The following PDIA6 variants were observed in gnomAD, a reference collection of about 807,000 sequenced individuals.
The protein encoded by PDIA6 is protein disulfide-isomerase A6.
In PDIA6, 29 loss-of-function variants were observed where a neutral mutation model predicts 58.4. That is an observed-to-expected ratio of 0.50 (90% confidence interval 0.37 to 0.68). The LOEUF is 0.68. Among genes scored for constraint, PDIA6 ranks in the 30% least tolerant of loss-of-function variants. PDIA6 has a pLI of 0.00. For missense variants in PDIA6, 480 were observed against 551.0 expected, an observed-to-expected ratio of 0.87 and a Z score of 1.29; for synonymous variants, 192 against 202.6, an observed-to-expected ratio of 0.95 and a Z score of 0.44.
chr2:10,820,877 T>C (rs1288628125), intron 1 of PDIA6: 1 of 702,724 alleles, frequency 1.4e-6, no homozygotes, highest in Non-Finnish European at 2.6e-6. Flanking sequence ...ATGCTGGGGG[T>C]ATCTTCTCTC....
chr2:10,815,129 C>A, upstream of PDIA6, among the ~76,000 whole-genome samples: 1 of 149,802 alleles, frequency 6.7e-6, no homozygotes, highest in Non-Finnish European at 1.5e-5. Context: ...TCTGGAAATG[C>A]ACAGGCTTCT....
chr2:10,822,395 T>C (rs1667424462), intron 1 of PDIA6, among the ~76,000 whole-genome samples: 1 of 152,182 alleles, frequency 6.6e-6, no homozygotes, highest in Admixed American at 6.5e-5. Flanking sequence ...CCCGAGTAGC[T>C]GAGACTACAG....
intron 7 of PDIA6, among the ~76,000 whole-genome samples, chr2:10,790,167 C>CGGG (rs556838636): frequency 6.6e-6 from 1 of 151,994 alleles, no homozygotes; most frequent in African/African-American, 2.4e-5. Flanking sequence ...TTAATAGAGA[C>CGGG]GGGGTTTCAC....
intron 1 of PDIA6, among the ~76,000 whole-genome samples, chr2:10,810,852 A>T (rs992868985): frequency 1.3e-5 from 2 of 152,174 alleles, no homozygotes; most frequent in Non-Finnish European, 2.9e-5. Flanking sequence ...TCTGTTTCTA[A>T]AATTCACATC....
At chr2:10,797,384 G>A (rs1210160385) in intron 3 of PDIA6, among the ~76,000 whole-genome samples, 177 bp from the exon 4 acceptor site, 1 of 152,188 alleles carries the variant, frequency 6.6e-6, no homozygotes, top group Non-Finnish European at 1.5e-5. Flanking sequence ...TGGAATGATG[G>A]GGGAAATCAA....
chr2:10,832,016 CAAAAA>C lies in PDIA6; in HGVS notation c.-48+181_-48+185del, dbSNP rs59417410. 6.6e-3 allele frequency among the ~76,000 whole-genome samples: 535 copies of C among 81,352 alleles called. 3 individuals carry two copies. The highest frequency in any genetic ancestry group is 0.023 in the African/African-American group (450 of 19,782). 53.4% of individuals were successfully genotyped at this position (81,352 alleles called of 152,430 possible). On this transcript the variant is annotated intron_variant, in intron 1 of 13. Coordinates refer to the PDIA6 transcript ENST00000381611. ...TGGGTGACAGAGCAAGACCCTGTCT[CAAAAA>C]AAAAAAAAAAAAAAAAGAGGAGAGA...
chr2:10,820,434 G>C lies in PDIA6; in HGVS notation c.-47-1080C>G, dbSNP rs12465794. On this transcript the variant is annotated intron_variant, in intron 1 of 13. Transcript: ENST00000381611. ...TCATGTTGCCCATTTCTTTTTTACT[G>C]TACACGTGTTAACAAAGAAGGGGAA... Among the ~76,000 whole-genome samples the C allele has an allele frequency of 1.3e-3, 199 of 152,220 alleles. 4 individuals carry two copies. The highest frequency in any genetic ancestry group is 0.012 in the Admixed American group (190 of 15,282).
rs547202062 is a variant in PDIA6, at chr2:10,796,100, C to T, written c.346+981G>A. On this transcript the variant is annotated intron_variant, in intron 4 of 12. Transcript: ENST00000272227. ...TTTTTGAGACGGAGTCTCGCTCTGT[C>T]GCCTAGGCTGGAGTACAATCTCGGC... 6.3e-5 allele frequency among the ~76,000 whole-genome samples: 9 copies of T among 142,998 alleles called. No homozygotes were observed. In the South Asian group the frequency reaches 1.3e-3, roughly 20 times the overall value. The allele number at this position is 142,998 out of a possible 152,430, so 93.8% of individuals were successfully genotyped here. A position where few individuals can be genotyped will look rare whatever the true frequency, so the allele number is the denominator to read the frequency against.
chr2:10,833,931 C>T (rs1366232494), upstream of PDIA6, among the ~76,000 whole-genome samples: 1 of 152,228 alleles, frequency 6.6e-6, no homozygotes, highest in Non-Finnish European at 1.5e-5. Flanking sequence ...ATCTTTGCCT[C>T]CTCCCAGGTC....
intron 4 of PDIA6, among the ~76,000 whole-genome samples, chr2:10,793,747 G>A (rs1411110503): frequency 6.6e-6 from 1 of 152,162 alleles, no homozygotes; most frequent in African/African-American, 2.4e-5. Context: ...ACTCACAAAT[G>A]TTTACCGAAC....
chr2:10,833,666 T>A (rs1239665564), upstream of PDIA6, among the ~76,000 whole-genome samples: 1 of 152,198 alleles, frequency 6.6e-6, no homozygotes, highest in Non-Finnish European at 1.5e-5. Flanking sequence ...ACATCCCTCT[T>A]ATACCCATAC....
upstream of PDIA6, among the ~76,000 whole-genome samples, chr2:10,836,543 C>CTT (rs111443285): frequency 2.6e-3 from 372 of 140,408 alleles, 1 homozygote; most frequent in African/African-American, 8.4e-3. Flanking sequence ...CTTTTGCAGG[C>CTT]TTTTTTTTTT....
upstream of PDIA6, among the ~76,000 whole-genome samples, chr2:10,817,589 C>T (rs1301323824): frequency 1.3e-5 from 2 of 152,220 alleles, no homozygotes; most frequent in Non-Finnish European, 2.9e-5. Context: ...CCGGTGGGCG[C>T]CCAAGGCCTT....
intron 8 of PDIA6, 86 bp downstream of exon 8, chr2:10,789,663 A>C (rs541641491): frequency 1.6e-6 from 2 of 1,238,892 alleles, no homozygotes; most frequent in East Asian, 2.4e-5. Flanking sequence ...TAAGGGCATA[A>C]AATGAACAGT....
intron 1 of PDIA6, among the ~76,000 whole-genome samples, chr2:10,809,670 A>AAAAAAC (rs1666921782): frequency 6.8e-6 from 1 of 147,638 alleles, no homozygotes. Flanking sequence ...AAAAAAAAAA[A>AAAAAAC]AACCCAAAAA....
intron 1 of PDIA6, 113 bp downstream of exon 1, chr2:10,812,565 C>G: frequency 9.0e-7 from 1 of 1,114,764 alleles, no homozygotes; most frequent in Non-Finnish European, 1.2e-6. Flanking sequence ...TCCCGCCCGC[C>G]AGGCCCACTT....
intron 1 of PDIA6, among the ~76,000 whole-genome samples, chr2:10,810,907 A>G: frequency 6.6e-6 from 1 of 152,154 alleles, no homozygotes; most frequent in East Asian, 1.9e-4. Context: ...AAATTGGACC[A>G]TCCGAGTGAG....
upstream of PDIA6, chr2:10,832,500 A>T (rs10803729): frequency 1 from 954,655 of 958,806 alleles, 475,382 homozygotes; most frequent in East Asian, 1. Flanking sequence ...AGTGACAGGA[A>T]GTGACCGCAA....
chr2:10,812,099 G>C (rs574367586), intron 1 of PDIA6, among the ~76,000 whole-genome samples: 68 of 152,110 alleles, frequency 4.5e-4, no homozygotes, highest in Admixed American at 3.9e-3. Context: ...TAGTAGAGAC[G>C]GGGTTTCGCC....
Sources: gnomAD v4.1 joint callset for allele counts (sites outside exome capture counted in the v4.1 genomes callset) on GRCh38, gnomAD v4.1.1 for gene constraint, MANE v1.5 for transcripts, NCBI Gene and HGNC (gene_info 2026-07-23, HGNC 2026-07-21) for gene names.